EPHB1: variants seen among roughly 807,000 people sequenced by gnomAD.
EPHB1 encodes ephrin type-B receptor 1.
Under a neutral mutation model 94.4 loss-of-function variants are expected in EPHB1, and 30 were observed. The observed-to-expected ratio is 0.32, with a 90% confidence interval of 0.24 to 0.43. EPHB1 has a LOEUF of 0.43. Ranked by LOEUF, EPHB1 falls within the 20% of genes least tolerant of loss-of-function variation. EPHB1 has a pLI of 1.00. For missense variants in EPHB1, 1,055 were observed against 1,308.3 expected, an observed-to-expected ratio of 0.81 and a Z score of 2.99; for synonymous variants, 522 against 489.1, an observed-to-expected ratio of 1.07 and a Z score of -0.89.
At chr3:135,049,272 TA>T (rs1200448138) in intron 3 of EPHB1, among the ~76,000 whole-genome samples, 2 of 152,230 alleles carry the variant, frequency 1.3e-5, no homozygotes, top group Non-Finnish European at 2.9e-5. Context: ...ACGCATTGGC[TA>T]AAAACAACGT....
intron 1 of EPHB1, among the ~76,000 whole-genome samples, chr3:134,867,263 G>A (rs769469103): frequency 2.1e-4 from 32 of 152,330 alleles, no homozygotes; most frequent in Non-Finnish European, 3.8e-4. Context: ...ACTATGTGTG[G>A]ATGTCTAAGT....
At chr3:134,952,182 T>C in intron 3 of EPHB1, 130 bp downstream of exon 3, 1 of 962,914 alleles carries the variant, frequency 1.0e-6, no homozygotes, top group African/African-American at 1.6e-5. Flanking sequence ...CTCTGAGGAC[T>C]CCCATTCCTA....
chr3:135,140,741 A>G (rs1365312554), intron 5 of EPHB1, among the ~76,000 whole-genome samples: 1 of 152,060 alleles, frequency 6.6e-6, no homozygotes, highest in Non-Finnish European at 1.5e-5. Context: ...TGCTTGAGCA[A>G]TTGCAGGGAG....
At chr3:134,935,500 C>T (rs2038983980) in intron 2 of EPHB1, among the ~76,000 whole-genome samples, 1 of 152,180 alleles carries the variant, frequency 6.6e-6, no homozygotes, top group African/African-American at 2.4e-5. Flanking sequence ...ATGTCCTGGG[C>T]TTATTTCCAT....
At chr3:135,239,098 G>C (rs1014921616) in intron 12 of EPHB1, among the ~76,000 whole-genome samples, 1 of 152,160 alleles carries the variant, frequency 6.6e-6, no homozygotes, top group Admixed American at 6.5e-5. Context: ...GGCATTTGTC[G>C]TGTAGCTGGC....
chr3:134,994,350 C>T (rs1339187515), intron 3 of EPHB1, among the ~76,000 whole-genome samples: 1 of 152,192 alleles, frequency 6.6e-6, no homozygotes, highest in Non-Finnish European at 1.5e-5. Flanking sequence ...GTCTGCACTG[C>T]TTTTGACCCC....
At chr3:135,040,932 G>T (rs1327910059) in intron 3 of EPHB1, among the ~76,000 whole-genome samples, 1 of 152,152 alleles carries the variant, frequency 6.6e-6, no homozygotes, top group Admixed American at 6.5e-5. Flanking sequence ...CTACCACATC[G>T]GAATTTTATG....
chr3:134,876,309 C>T (rs193160713), intron 1 of EPHB1, among the ~76,000 whole-genome samples: 1 of 152,322 alleles, frequency 6.6e-6, no homozygotes, highest in Admixed American at 6.5e-5. Flanking sequence ...TCCTTCATCC[C>T]TGTTCATTTG....
intron 1 of EPHB1, among the ~76,000 whole-genome samples, chr3:134,797,454 T>A (rs1316695191): frequency 6.6e-6 from 1 of 152,180 alleles, no homozygotes; most frequent in East Asian, 1.9e-4. Context: ...GGTCCGAGGC[T>A]CGGTCCGGCC....
chr3:135,035,926 G>A (rs2107762948), intron 3 of EPHB1, among the ~76,000 whole-genome samples: 1 of 152,336 alleles, frequency 6.6e-6, no homozygotes, highest in South Asian at 2.1e-4. Flanking sequence ...ATCTGGTCTA[G>A]CCAGGTCCCC....
intron 3 of EPHB1, among the ~76,000 whole-genome samples, chr3:134,994,050 C>G (rs376196544): frequency 3.3e-5 from 5 of 152,194 alleles, no homozygotes; most frequent in Non-Finnish European, 7.3e-5. Context: ...TTAGGTACCC[C>G]TTCCATGTGC....
In EPHB1 at chr3:135,201,457, T is replaced by C; in HGVS notation, c.2131-17T>C. Reference sequence around the variant, plus strand: ...GAAGCCCGTCTTGATCCCAATGCCCTCTATGTCTTATTACAGCAAAATGAC... The same window carrying C: ...GAAGCCCGTCTTGATCCCAATGCCCCCTATGTCTTATTACAGCAAAATGAC... On this transcript the variant is annotated splice_polypyrimidine_tract_variant and intron_variant, in intron 11 of 15. Coordinates refer to ENST00000398015, the MANE Select transcript of EPHB1 (RefSeq NM_004441.5). The C allele has an allele frequency of 6.2e-7, 1 of 1,613,564 alleles. No homozygotes were observed. The highest frequency in any genetic ancestry group is 8.5e-7 in the Non-Finnish European group (1 of 1,179,692).
At chr3:135,200,781 T>G (rs1286364941) in intron 11 of EPHB1, among the ~76,000 whole-genome samples, 5 of 152,050 alleles carry the variant, frequency 3.3e-5, no homozygotes, top group Admixed American at 3.3e-4. Context: ...CATGAGAAAG[T>G]GCTAATCATA....
At chr3:134,847,570 C>T (rs1424312470) in intron 1 of EPHB1, among the ~76,000 whole-genome samples, 1 of 152,200 alleles carries the variant, frequency 6.6e-6, no homozygotes, top group Non-Finnish European at 1.5e-5. Context: ...CCTAATCAGC[C>T]TTGTTTGAAG....
intron 1 of EPHB1, among the ~76,000 whole-genome samples, chr3:134,847,577 GA>G: frequency 6.6e-6 from 1 of 152,196 alleles, no homozygotes. Flanking sequence ...AGCCTTGTTT[GA>G]AGACCACAGT....
chr3:134,996,875 T>C (rs1935013090), intron 3 of EPHB1, among the ~76,000 whole-genome samples: 1 of 152,154 alleles, frequency 6.6e-6, no homozygotes, highest in East Asian at 1.9e-4. Flanking sequence ...TTCATTTCTT[T>C]TGAGTGTCAT....
At chr3:134,839,422 T>C (rs541570770) in intron 1 of EPHB1, among the ~76,000 whole-genome samples, 2 of 152,312 alleles carry the variant, frequency 1.3e-5, no homozygotes, top group South Asian at 4.1e-4. Flanking sequence ...TATCTTTCAC[T>C]GCTGTGAGAT....
intron 3 of EPHB1, among the ~76,000 whole-genome samples, chr3:135,049,191 T>A (rs1576345131): frequency 6.6e-6 from 1 of 152,360 alleles, no homozygotes; most frequent in East Asian, 1.9e-4. Flanking sequence ...AAGCACCTCC[T>A]TGCCTGAATA....
At chr3:134,851,660 A>G (rs1037751675) in intron 1 of EPHB1, among the ~76,000 whole-genome samples, 3 of 152,172 alleles carry the variant, frequency 2.0e-5, no homozygotes, top group Non-Finnish European at 4.4e-5. Context: ...ACCTGTGGAC[A>G]CTGTGGCCAT....
Sources: allele counts gnomAD v4.1 joint callset (sites outside exome capture counted in the v4.1 genomes callset), GRCh38; gene constraint gnomAD v4.1.1; transcripts MANE v1.5; gene names NCBI Gene and HGNC (gene_info 2026-07-23, HGNC 2026-07-21).